The following SORT1 variants were observed in gnomAD, a reference collection of about 807,000 sequenced individuals.
SORT1 encodes sortilin.
Under a neutral mutation model 101.7 loss-of-function variants are expected in SORT1, and 39 were observed. The observed-to-expected ratio is 0.38, with a 90% CI of 0.30 to 0.50. SORT1 has a LOEUF of 0.50. SORT1 is among the 20% of genes least tolerant of loss of function. The pLI is 0.90. For missense variants in SORT1, 878 were observed against 1,040.4 expected, an observed-to-expected ratio of 0.84 and a Z score of 2.15; for synonymous variants, 396 against 393.7, an observed-to-expected ratio of 1.01 and a Z score of -0.07.
At chr1:109,331,955 CA>C (rs1432041768) in intron 11 of SORT1, among the ~76,000 whole-genome samples, 1 of 108,450 alleles carries the variant, frequency 9.2e-6, no homozygotes, top group African/African-American at 3.6e-5. Context: ...AAAAAAAAAA[CA>C]AAAAAAACTT....
At position 109,326,452 on chromosome 1, in the gene SORT1, TATATATATATATACATACAC is replaced by T. The variant is rs1387272371; in HGVS notation, c.1643+520_1643+539del. Among the ~76,000 whole-genome samples, 80 of 30,518 alleles carry T rather than the reference TATATATATATATACATACAC, an allele frequency of 2.6e-3. 2 individuals are homozygous for T. The highest frequency in any genetic ancestry group is 7.7e-3 in the African/African-American group (70 of 9,070). 20.0% of individuals were successfully genotyped at this position (30,518 alleles called of 152,430 possible). A position where few individuals can be genotyped will look rare whatever the true frequency, so the allele number is the denominator to read the frequency against. On this transcript the variant is annotated intron_variant, in intron 13 of 19. Transcript: ENST00000256637. ...GAATATATATATATATATATATATA[TATATATATATATACATACAC>T]ACACACACACACATATATATACACA... is the stretch of plus-strand genomic sequence containing the variant.
At chr1:109,394,179 G>A (rs1367404878) in intron 1 of SORT1, among the ~76,000 whole-genome samples, 1 of 151,978 alleles carries the variant, frequency 6.6e-6, no homozygotes, top group East Asian at 1.9e-4. Context: ...TCGTTTTCTT[G>A]TCATCCCTTT....
At chr1:109,338,882 CTT>C (rs879587000) in intron 10 of SORT1, among the ~76,000 whole-genome samples, 10 of 144,818 alleles carry the variant, frequency 6.9e-5, no homozygotes, top group Non-Finnish European at 7.6e-5. Flanking sequence ...GACTCTGATA[CTT>C]TTTTTTTTTT....
chr1:109,351,965 G>GGGGGGTGTGTGTGTGTGTGTGTGTGT (rs932648162), intron 5 of SORT1, among the ~76,000 whole-genome samples: 1 of 147,412 alleles, frequency 6.8e-6, no homozygotes, highest in African/African-American at 2.5e-5. Context: ...GAGAGGTAGG[G>GGGGGGTGTGTGTGTGTGTGTGTGTGT]GTGTGTGTGT....
intron 3 of SORT1, among the ~76,000 whole-genome samples, chr1:109,358,503 G>A (rs551376236): frequency 6.6e-5 from 10 of 152,286 alleles, no homozygotes; most frequent in Admixed American, 4.6e-4. Context: ...ATAGCGTTAT[G>A]AACAGCCGTC....
At chr1:109,395,208 CTTTTTTTTTTT>C (rs71069681) in intron 1 of SORT1, among the ~76,000 whole-genome samples, 463 of 42,610 alleles carry the variant, frequency 0.011, 5 homozygotes, top group African/African-American at 0.041. Context: ...AACGCAAAAA[CTTTTTTTTTTT>C]TTTTTTTTTT....
At chr1:109,344,740 G>A (rs1042200864) in intron 8 of SORT1, among the ~76,000 whole-genome samples, 1 of 152,152 alleles carries the variant, frequency 6.6e-6, no homozygotes, top group African/African-American at 2.4e-5. Context: ...CTGTTACCCA[G>A]GCTGGAATGC....
chr1:109,318,920 C>T (rs1388885200), intron 15 of SORT1, among the ~76,000 whole-genome samples: 1 of 152,204 alleles, frequency 6.6e-6, no homozygotes, highest in Non-Finnish European at 1.5e-5. Flanking sequence ...GCTGGCATTA[C>T]AGGCGTGAAC....
rs746122783 is a variant in SORT1 at position 109,326,590 on chromosome 1, CAT to C, written c.1643+400_1643+401del. On this transcript the variant is annotated intron_variant, in intron 13 of 19. Transcript: ENST00000256637. ...ACACACATACATATATACACACACA[CAT>C]ATATATATATATGGTTTTTTTTTTG... Among the ~76,000 whole-genome samples, 11 of 144,916 alleles carry C rather than the reference CAT, an allele frequency of 7.6e-5. 1 individual carries two copies. Among genetic ancestry groups the C allele is most frequent in the South Asian group, 2.2e-4 (1 of 4,536 alleles).
rs1209337514 is a variant in SORT1 at position 109,317,709 on chromosome 1, G to A, written c.2141+144C>T. 9.5e-6 allele frequency: 6 copies of A among 632,124 alleles called. No homozygotes were observed. The East Asian group carries it at 1.3e-4, about 14-fold the overall frequency. The allele number at this position is 632,124 out of a possible 1,614,324, so 39.2% of individuals were successfully genotyped here. A position where few individuals can be genotyped will look rare whatever the true frequency, so the allele number is the denominator to read the frequency against. ...CACCTCCTGTAGTTGACCCTTGAAGGAGGCCTTCATATCCTGCCCCTCCCC... is the reference window on the plus strand; with the variant it reads ...CACCTCCTGTAGTTGACCCTTGAAGAAGGCCTTCATATCCTGCCCCTCCCC... On this transcript the variant is annotated intron_variant, in intron 16 of 19. Transcript: ENST00000256637.
At chr1:109,390,798 T>TGTGTGTGTGTGCGCGC (rs749556914) in intron 1 of SORT1, among the ~76,000 whole-genome samples, 1 of 144,864 alleles carries the variant, frequency 6.9e-6, no homozygotes, top group African/African-American at 2.6e-5. Flanking sequence ...TGTGTGTGTG[T>TGTGTGTGTGTGCGCGC]GCGCGCGCGC....
intron 5 of SORT1, among the ~76,000 whole-genome samples, chr1:109,351,969 T>G (rs1480271006): frequency 2.4e-4 from 5 of 20,570 alleles, no homozygotes; most frequent in Middle Eastern, 0.042. Context: ...GGTAGGGGTG[T>G]GTGTGTGTGT....
intron 1 of SORT1, among the ~76,000 whole-genome samples, chr1:109,390,204 C>A (rs1459912693): frequency 1.6e-4 from 25 of 152,204 alleles, no homozygotes; most frequent in Non-Finnish European, 3.7e-4. Context: ...GAACACTGCA[C>A]TGCAGTGGTC....
At chr1:109,370,679 T>C (rs1447422848) in intron 1 of SORT1, among the ~76,000 whole-genome samples, 1 of 152,206 alleles carries the variant, frequency 6.6e-6, no homozygotes, top group Non-Finnish European at 1.5e-5. Context: ...TTAAGACTTA[T>C]AATCTTACTA....
intron 15 of SORT1, among the ~76,000 whole-genome samples, chr1:109,321,700 C>A (rs907330499): frequency 4.6e-5 from 7 of 152,204 alleles, no homozygotes; most frequent in Non-Finnish European, 1.0e-4. Context: ...GCCATGGCTG[C>A]TATCTGCCTG....
At position 109,312,843 on chromosome 1, in the gene SORT1, C is replaced by A. The variant is rs560029935; in HGVS notation, c.*1200G>T. The A allele has an allele frequency of 2.6e-4, 39 of 152,296 alleles. No individual in the cohort carries two copies. The highest frequency in any genetic ancestry group is 9.4e-4 in the African/African-American group (39 of 41,564). 9.4% of individuals were successfully genotyped at this position (152,296 alleles called of 1,614,324 possible). A position where few individuals can be genotyped will look rare whatever the true frequency, so the allele number is the denominator to read the frequency against. ...GAACTTAATGTATCACACAAAGCAT[C>A]ATCTAGACTGGAAGTGTGTTTTCAA... On this transcript the variant is annotated 3_prime_UTR_variant, in exon 20 of 20. Coordinates refer to ENST00000256637, the MANE Select transcript of SORT1 (RefSeq NM_002959.7).
intron 1 of SORT1, among the ~76,000 whole-genome samples, chr1:109,385,143 C>A (rs1652494997): frequency 1.3e-5 from 2 of 152,066 alleles, no homozygotes; most frequent in African/African-American, 4.8e-5. Context: ...ATAATTAACC[C>A]ACTCCTGGGA....
intron 1 of SORT1, among the ~76,000 whole-genome samples, chr1:109,395,935 G>A: frequency 6.6e-6 from 1 of 151,906 alleles, no homozygotes; most frequent in Admixed American, 6.6e-5. Flanking sequence ...AGAAAGAAAA[G>A]AACAATTAGC....
intron 10 of SORT1, among the ~76,000 whole-genome samples, chr1:109,337,003 T>A (rs1188278489): frequency 6.6e-6 from 1 of 152,128 alleles, no homozygotes; most frequent in South Asian, 2.1e-4. Context: ...CAGGAAGGCA[T>A]CCTAATCTTT....
Sources: gnomAD v4.1 joint callset for allele counts (sites outside exome capture counted in the v4.1 genomes callset) on GRCh38, gnomAD v4.1.1 for gene constraint, MANE v1.5 for transcripts, NCBI Gene and HGNC (gene_info 2026-07-23, HGNC 2026-07-21) for gene names.